TMEM267: variants seen among roughly 807,000 people sequenced by gnomAD.
TMEM267 encodes transmembrane protein C5orf28.
TMEM267 carries 20 observed loss-of-function variants against 19.3 expected under a neutral mutation model. That is an observed-to-expected ratio of 1.04 (90% CI 0.73 to 1.51). The LOEUF (loss-of-function observed/expected upper bound fraction) is 1.51, where lower values mean the gene tolerates loss of function less well. Ranked by LOEUF, TMEM267 falls within the 40% of genes most tolerant of loss-of-function variation. The probability of loss-of-function intolerance (pLI) is 0.00; values close to 1 mark genes in which losing one functional copy is unlikely to be tolerated. For missense variants in TMEM267, 242 were observed against 261.9 expected (o/e 0.92, Z 0.52); for synonymous variants, 88 against 90.3 (o/e 0.97, Z 0.15).
At chr5:43,462,124 G>A (rs975606739) in intron 1 of TMEM267, among the ~76,000 whole-genome samples, 49 of 152,244 alleles carry the variant, frequency 3.2e-4, no homozygotes, top group African/African-American at 1.7e-4. Flanking sequence ...TAAAGGAAGA[G>A]AACAAGAGTC....
chr5:43,457,866 TA>T (rs1743043542), intron 1 of TMEM267, among the ~76,000 whole-genome samples: 1 of 152,206 alleles, frequency 6.6e-6, no homozygotes. Flanking sequence ...TATTTTTCTG[TA>T]TGTTTGAAAT....
intron 1 of TMEM267, among the ~76,000 whole-genome samples, chr5:43,477,076 T>A (rs1744471451): frequency 6.7e-6 from 1 of 150,088 alleles, no homozygotes; most frequent in Admixed American, 6.6e-5. Flanking sequence ...GTAGTCCTAG[T>A]TACTCAGGAG....
intron 1 of TMEM267, among the ~76,000 whole-genome samples, chr5:43,481,956 C>T (rs1381439513): frequency 6.6e-6 from 1 of 152,198 alleles, no homozygotes; most frequent in African/African-American, 2.4e-5. Context: ...CATTCTCCTG[C>T]CTCAGCCTCC....
intron 1 of TMEM267, among the ~76,000 whole-genome samples, chr5:43,462,011 T>C (rs971845843): frequency 2.6e-5 from 4 of 152,244 alleles, no homozygotes; most frequent in Non-Finnish European, 5.9e-5. Context: ...GGTTCAGGTC[T>C]GACCCAGCAC....
intron 1 of TMEM267, among the ~76,000 whole-genome samples, chr5:43,459,528 AAT>A (rs1743135480): frequency 1.3e-5 from 2 of 152,226 alleles, no homozygotes; most frequent in South Asian, 2.1e-4. Context: ...GAGATGAGAA[AAT>A]ATATGTCTAA....
intron 1 of TMEM267, among the ~76,000 whole-genome samples, chr5:43,478,477 A>T (rs10447144): frequency 0.6 from 90,947 of 151,938 alleles, 29,491 homozygotes; most frequent in African/African-American, 0.85. Flanking sequence ...AAAATATTTT[A>T]AAAAATCTGA....
intron 2 of TMEM267, among the ~76,000 whole-genome samples, chr5:43,453,091 C>T (rs1742708820): frequency 6.6e-6 from 1 of 152,198 alleles, no homozygotes; most frequent in African/African-American, 2.4e-5. Context: ...AATTTCTTCA[C>T]AAGGGACTGT....
chr5:43,456,361 G>A (rs1030625449), intron 1 of TMEM267, among the ~76,000 whole-genome samples: 1 of 152,060 alleles, frequency 6.6e-6, no homozygotes, highest in Non-Finnish European at 1.5e-5. Context: ...GTATTTTTGT[G>A]TCCTTGGGTC....
intron 1 of TMEM267, among the ~76,000 whole-genome samples, chr5:43,471,632 A>C (rs1744081506): frequency 6.6e-6 from 1 of 152,200 alleles, no homozygotes; most frequent in Non-Finnish European, 1.5e-5. Flanking sequence ...ACCAAGAAAC[A>C]AATCTGCACA....
intron 1 of TMEM267, among the ~76,000 whole-genome samples, chr5:43,463,443 G>A (rs1185225316): frequency 6.6e-6 from 1 of 152,132 alleles, no homozygotes; most frequent in Non-Finnish European, 1.5e-5. Context: ...ATTTTATGAG[G>A]CCAGCATCAT....
intron 1 of TMEM267, among the ~76,000 whole-genome samples, chr5:43,474,110 TAACTC>T (rs1261916299): frequency 6.6e-6 from 1 of 151,918 alleles, no homozygotes; most frequent in Non-Finnish European, 1.5e-5. Context: ...ATACAAAAAT[TAACTC>T]AAGATGGATT....
chr5:43,479,499 A>G (rs1579836524), intron 1 of TMEM267, among the ~76,000 whole-genome samples: 3 of 112,308 alleles, frequency 2.7e-5, no homozygotes, highest in African/African-American at 1.1e-4. Flanking sequence ...TTAAAAAGGT[A>G]ATAAAAAAGG....
chr5:43,481,181 T>C (rs1451748832), intron 1 of TMEM267, among the ~76,000 whole-genome samples: 1 of 148,938 alleles, frequency 6.7e-6, no homozygotes, highest in African/African-American at 2.5e-5. Context: ...CATAGCTCAC[T>C]GTAACCTTGA....
intron 1 of TMEM267, among the ~76,000 whole-genome samples, chr5:43,469,127 G>A (rs991684417): frequency 2.6e-5 from 4 of 151,956 alleles, no homozygotes. Context: ...GAGGAACTTC[G>A]TATGAACAAT....
chr5:43,462,545 A>C (rs1743331171), intron 1 of TMEM267, among the ~76,000 whole-genome samples: 1 of 152,200 alleles, frequency 6.6e-6, no homozygotes, highest in Non-Finnish European at 1.5e-5. Flanking sequence ...ATAACACAGA[A>C]AAGGAATCCA....
chr5:43,475,255 A>G (rs188628296), intron 1 of TMEM267, among the ~76,000 whole-genome samples: 336 of 152,132 alleles, frequency 2.2e-3, no homozygotes, highest in African/African-American at 7.7e-3. Context: ...CATCATTCTC[A>G]GCAAACTAAC....
intron 1 of TMEM267, among the ~76,000 whole-genome samples, chr5:43,471,215 T>C (rs1035501671): frequency 2.6e-5 from 4 of 151,900 alleles, no homozygotes; most frequent in African/African-American, 7.2e-5. Flanking sequence ...TAAAATTAAA[T>C]ACCTAGGAAT....
chr5:43,457,330 C>T (rs1743010738), intron 1 of TMEM267, among the ~76,000 whole-genome samples: 1 of 152,094 alleles, frequency 6.6e-6, no homozygotes, highest in Admixed American at 6.6e-5. Context: ...AAACCTAAAA[C>T]TACTATTTAG....
intron 1 of TMEM267, chr5:43,475,966 T>C (rs990150687): frequency 2.0e-5 from 3 of 152,230 alleles, no homozygotes; most frequent in Non-Finnish European, 4.4e-5. Flanking sequence ...TTTCCCAGAA[T>C]TCCCTTCCTT....
Sources: gnomAD v4.1 joint callset for allele counts (sites outside exome capture counted in the v4.1 genomes callset) on GRCh38, gnomAD v4.1.1 for gene constraint, MANE v1.5 for transcripts, NCBI Gene and HGNC (gene_info 2026-07-23, HGNC 2026-07-21) for gene names.